The following RXRA variants were observed in gnomAD, a reference collection of about 807,000 sequenced individuals.
RXRA encodes the protein retinoic acid receptor RXR-alpha.
Under a neutral mutation model 44.5 loss-of-function variants are expected in RXRA, and 5 were observed. That is an observed-to-expected ratio of 0.11 (90% CI 0.06 to 0.24). The LOEUF is 0.24. Ranked by LOEUF, RXRA falls within the 10% of genes least tolerant of loss-of-function variation. RXRA has a pLI of 1.00. For synonymous variants in RXRA, 291 were observed against 271.4 expected (o/e 1.07, Z -0.71); for missense variants, 412 against 646.5 (o/e 0.64, Z 3.93).
chr9:134,432,721 C>A (rs567262753), intron 8 of RXRA, among the ~76,000 whole-genome samples: 2 of 152,226 alleles, frequency 1.3e-5, no homozygotes, highest in Non-Finnish European at 2.9e-5. Flanking sequence ...CAGCAGGCAC[C>A]CCCGGCACGT....
At position 134,326,675 on chromosome 9, in the gene RXRA, G is replaced by C; in HGVS notation, c.28+16G>C. On this transcript the variant is annotated intron_variant, in intron 1 of 9. Coordinates refer to ENST00000481739, the MANE Select transcript of RXRA (RefSeq NM_002957.6). ...CTGCCGCTCGGTGAGTGCTCGCCGG[G>C]CCGGGCGGGGACGGGGCCGGGGGCC... 1 of 916,860 alleles carries C rather than the reference G, an allele frequency of 1.1e-6. No individual in the cohort carries two copies. The highest frequency in any genetic ancestry group is 1.3e-6 in the Non-Finnish European group (1 of 770,860). 56.8% of individuals were successfully genotyped at this position (916,860 alleles called of 1,614,324 possible).
chr9:134,391,741 G>A (rs76372435), intron 1 of RXRA, among the ~76,000 whole-genome samples: 16,384 of 152,128 alleles, frequency 0.11, 2,946 homozygotes, highest in African/African-American at 0.37. Context: ...GCTCATGGGT[G>A]TCTGCTGTGT....
intron 1 of RXRA, among the ~76,000 whole-genome samples, chr9:134,380,505 G>A (rs574602775): frequency 9.9e-5 from 15 of 152,200 alleles, no homozygotes; most frequent in East Asian, 7.7e-4. Flanking sequence ...CCCCCCCTGG[G>A]AGGAGGCTGC....
chr9:134,390,687 G>C (rs1236006389), intron 1 of RXRA, among the ~76,000 whole-genome samples: 1 of 152,236 alleles, frequency 6.6e-6, no homozygotes, highest in East Asian at 1.9e-4. Context: ...GAGTGGCAGA[G>C]GCAGGGAGGG....
At chr9:134,358,758 G>A (rs1393414509) in intron 1 of RXRA, among the ~76,000 whole-genome samples, 1 of 150,806 alleles carries the variant, frequency 6.6e-6, no homozygotes, top group African/African-American at 2.4e-5. Context: ...CCTGGGCCCC[G>A]GCTGGGGTCT....
intron 1 of RXRA, among the ~76,000 whole-genome samples, chr9:134,400,800 G>A (rs569283360): frequency 2.0e-5 from 3 of 152,268 alleles, no homozygotes; most frequent in African/African-American, 7.2e-5. Context: ...CTTGTTCCTG[G>A]CACACACCAA....
intron 1 of RXRA, among the ~76,000 whole-genome samples, chr9:134,339,587 G>A (rs1185887838): frequency 6.6e-6 from 1 of 151,178 alleles, no homozygotes; most frequent in Non-Finnish European, 1.5e-5. Context: ...GAGCCTGTGT[G>A]TGTGAGCCTG....
rs534786979 is a variant in RXRA at position 134,369,687 on chromosome 9, A to G, written c.29-31945A>G. Reference sequence around the variant, plus strand: ...CATGGGAGTCATGGGCCTGGGTTTGAGGTCTGACCTGCTCGGTGGCCTTGG... The same window carrying G: ...CATGGGAGTCATGGGCCTGGGTTTGGGGTCTGACCTGCTCGGTGGCCTTGG... On this transcript the variant is annotated intron_variant, in intron 1 of 9. Coordinates refer to ENST00000481739, the MANE Select transcript of RXRA (RefSeq NM_002957.6). Among the ~76,000 whole-genome samples the G allele has an allele frequency of 2.6e-5, 4 of 151,940 alleles. No homozygotes were observed. In the East Asian group the frequency reaches 7.8e-4, roughly 30 times the overall value.
chr9:134,401,525 C>T (rs760823583), intron 1 of RXRA, 107 bp from the exon 2 acceptor site: 165 of 1,560,958 alleles, frequency 1.1e-4, no homozygotes, highest in Non-Finnish European at 1.3e-4. Flanking sequence ...TTGAGGGTGC[C>T]GGGGTCTTCC....
chr9:134,409,495 C>T (rs1831113232), intron 4 of RXRA, among the ~76,000 whole-genome samples: 1 of 152,246 alleles, frequency 6.6e-6, no homozygotes, highest in African/African-American at 2.4e-5. Flanking sequence ...CGCAGGGCCG[C>T]CGGATGGCCC....
At chr9:134,367,807 C>T (rs1486106727) in intron 1 of RXRA, among the ~76,000 whole-genome samples, 1 of 152,228 alleles carries the variant, frequency 6.6e-6, no homozygotes, top group Non-Finnish European at 1.5e-5. Flanking sequence ...TCCTCTCCCA[C>T]ACCTGAGGGC....
intron 9 of RXRA, 27 bp from the exon 10 acceptor site, chr9:134,436,440 G>C (rs1805343): frequency 1.2e-6 from 2 of 1,611,292 alleles, no homozygotes; most frequent in Non-Finnish European, 8.5e-7. Flanking sequence ...CCCCTTGCCC[G>C]GCCCTCACCA....
intron 1 of RXRA, among the ~76,000 whole-genome samples, chr9:134,362,792 G>A (rs536097232): frequency 3.7e-4 from 57 of 152,358 alleles, no homozygotes; most frequent in African/African-American, 1.4e-3. Flanking sequence ...TCAGCTCCCA[G>A]CTGGAGTGAA....
At chr9:134,421,995 C>T (rs1252375398) in intron 6 of RXRA, 190 bp downstream of exon 6, 14 of 1,475,498 alleles carry the variant, frequency 9.5e-6, no homozygotes, top group Non-Finnish European at 1.3e-5. Flanking sequence ...CCTCCCGGGA[C>T]ACTCCCCCTT....
chr9:134,359,856 C>G (rs28588705), intron 1 of RXRA, among the ~76,000 whole-genome samples: 1 of 152,122 alleles, frequency 6.6e-6, no homozygotes, highest in South Asian at 2.1e-4. Flanking sequence ...GCTTTGCTCC[C>G]GAGATTGTCC....
Position 134,365,572 on chromosome 9 carries a change from G to T in RXRA, c.29-36060G>T, listed in dbSNP as rs1422925373. 6.6e-6 allele frequency among the ~76,000 whole-genome samples: 1 copy of T among 152,192 alleles called. No individual in the cohort carries two copies. The highest frequency in any genetic ancestry group is 1.5e-5 in the Non-Finnish European group (1 of 68,032). ...CTGCACTGGGGCCTGGGTGGTAGGG[G>T]GTGATCTGCTTGTCCAGTGGTTTCT... On this transcript the variant is annotated intron_variant, in intron 1 of 9. Transcript: ENST00000481739. This position sits in a 1 kb window ranked among gnomAD's most constrained non-coding sequence, Gnocchi z 4.0.
intron 1 of RXRA, among the ~76,000 whole-genome samples, chr9:134,390,610 G>A (rs1230451663): frequency 4.6e-5 from 7 of 152,218 alleles, no homozygotes; most frequent in African/African-American, 1.7e-4. Flanking sequence ...GGCTGAGCTC[G>A]GAAGAGGCAA....
At chr9:134,332,407 A>G (rs1835019303) in intron 1 of RXRA, among the ~76,000 whole-genome samples, 1 of 152,132 alleles carries the variant, frequency 6.6e-6, no homozygotes, top group Non-Finnish European at 1.5e-5. Flanking sequence ...TCCCAGGGTG[A>G]CCTGGCAGAG....
intron 1 of RXRA, among the ~76,000 whole-genome samples, chr9:134,400,829 C>T (rs1830947325): frequency 6.6e-6 from 1 of 152,180 alleles, no homozygotes; most frequent in Admixed American, 6.5e-5. Flanking sequence ...ACAAAGCCAC[C>T]CAGCAGCGTC....
Sources: gnomAD v4.1 joint callset for allele counts (sites outside exome capture counted in the v4.1 genomes callset) on GRCh38, gnomAD v4.1.1 for gene constraint, Gnocchi (gnomAD v3.1) non-coding constraint, MANE v1.5 for transcripts, NCBI Gene and HGNC (gene_info 2026-07-23, HGNC 2026-07-21) for gene names.